Variants in PDE1A observed in about 807,000 individuals in gnomAD.
PDE1A encodes the protein dual specificity calcium/calmodulin-dependent 3',5'-cyclic nucleotide phosphodiesterase 1A.
A neutral mutation model predicts 61.7 loss-of-function variants in PDE1A; 35 were observed. That is an observed-to-expected ratio of 0.57 (90% CI 0.43 to 0.75). The LOEUF (loss-of-function observed/expected upper bound fraction) is 0.75. Among genes scored for constraint, PDE1A ranks in the 30% least tolerant of loss-of-function variants. PDE1A has a pLI of 0.00. For synonymous variants in PDE1A, 232 were observed against 213.2 expected (o/e 1.09, Z -0.77); for missense variants, 597 against 630.6 (o/e 0.95, Z 0.57).
At chr2:182,452,045 C>A (rs1199837086) in intron 2 of PDE1A, among the ~76,000 whole-genome samples, 1 of 151,782 alleles carries the variant, frequency 6.6e-6, no homozygotes, top group Non-Finnish European at 1.5e-5. Context: ...ATCAAATTAT[C>A]CAGGAAAATC....
At chr2:182,337,147 G>A (rs1441480185) in intron 1 of PDE1A, among the ~76,000 whole-genome samples, 1 of 152,094 alleles carries the variant, frequency 6.6e-6, no homozygotes, top group Non-Finnish European at 1.5e-5. Context: ...GGAGTTTAAT[G>A]TATACACTTT....
chr2:182,454,552 TACTGGTACCAAA>T, intron 2 of PDE1A, among the ~76,000 whole-genome samples: 1 of 151,924 alleles, frequency 6.6e-6, no homozygotes, highest in Admixed American at 6.6e-5. Flanking sequence ...AACAGCATGG[TACTGGTACCAAA>T]ACAGAGATAT....
the PDE1A span, among the ~76,000 whole-genome samples, chr2:182,655,159 T>C: frequency 6.6e-6 from 1 of 152,208 alleles, no homozygotes; most frequent in Non-Finnish European, 1.5e-5. Context: ...CTTTAGTGAA[T>C]GAAGTGTCAT....
intron 1 of PDE1A, among the ~76,000 whole-genome samples, chr2:182,317,925 T>C (rs1696451957): frequency 1.3e-5 from 2 of 152,192 alleles, no homozygotes; most frequent in African/African-American, 4.8e-5. Flanking sequence ...ATTGCATTTA[T>C]ATCTCTTAAT....
chr2:182,482,096 T>G (rs1452308279), intron 2 of PDE1A, among the ~76,000 whole-genome samples: 1 of 151,962 alleles, frequency 6.6e-6, no homozygotes, highest in African/African-American at 2.4e-5. Context: ...ATTTTCTTAT[T>G]AACAGTCTGT....
chr2:182,565,722 G>A, the PDE1A span, among the ~76,000 whole-genome samples: 2 of 152,096 alleles, frequency 1.3e-5, no homozygotes, highest in Non-Finnish European at 2.9e-5. Flanking sequence ...CTATTTATTA[G>A]AGTCAAGATT....
At chr2:182,476,476 G>A (rs958144569) in intron 2 of PDE1A, among the ~76,000 whole-genome samples, 9 of 151,856 alleles carry the variant, frequency 5.9e-5, no homozygotes, top group Admixed American at 1.3e-4. Flanking sequence ...GCAACAAAGC[G>A]AGACTCTGTC....
At chr2:182,341,989 G>T (rs773453884) in intron 1 of PDE1A, among the ~76,000 whole-genome samples, 1 of 151,986 alleles carries the variant, frequency 6.6e-6, no homozygotes, top group Non-Finnish European at 1.5e-5. Flanking sequence ...GGCTGATCTG[G>T]AACTCCTAGC....
At chr2:182,434,503 G>A (rs1574649280) in intron 2 of PDE1A, among the ~76,000 whole-genome samples, 1 of 152,030 alleles carries the variant, frequency 6.6e-6, no homozygotes, top group East Asian at 1.9e-4. Context: ...TCTTCAGATA[G>A]GCAGAAGGCA....
chr2:182,372,918 A>G (rs1464289222), intron 1 of PDE1A, among the ~76,000 whole-genome samples: 2 of 152,224 alleles, frequency 1.3e-5, no homozygotes, highest in Non-Finnish European at 2.9e-5. Context: ...CAGAAATGTC[A>G]TAAGGACAGT....
intron 1 of PDE1A, among the ~76,000 whole-genome samples, chr2:182,417,826 G>T (rs1327257129): frequency 6.6e-6 from 1 of 152,136 alleles, no homozygotes; most frequent in East Asian, 1.9e-4. Context: ...AAAATCTCTG[G>T]TTACAAATGC....
intron 2 of PDE1A, among the ~76,000 whole-genome samples, chr2:182,445,983 T>G (rs1247668244): frequency 6.6e-6 from 1 of 152,114 alleles, no homozygotes; most frequent in Non-Finnish European, 1.5e-5. Flanking sequence ...TGCTGAGCCA[T>G]GAATATTCAG....
the PDE1A span, among the ~76,000 whole-genome samples, chr2:182,714,450 C>G: frequency 6.6e-6 from 1 of 152,076 alleles, no homozygotes; most frequent in Non-Finnish European, 1.5e-5. Flanking sequence ...AAGTCAGAAC[C>G]CTTTATCTTT....
chr2:182,463,137 A>C (rs1686419065), intron 2 of PDE1A, among the ~76,000 whole-genome samples: 1 of 152,068 alleles, frequency 6.6e-6, no homozygotes, highest in Non-Finnish European at 1.5e-5. Flanking sequence ...GCTACTCGGG[A>C]GGCTGAGGCG....
chr2:182,373,828 T>C (rs377555898), intron 1 of PDE1A, among the ~76,000 whole-genome samples: 1 of 152,088 alleles, frequency 6.6e-6, no homozygotes, highest in Admixed American at 6.5e-5. Context: ...GGGAGATATA[T>C]GACAAGAAAA....
At chr2:182,402,090 C>T (rs1291922994) in intron 1 of PDE1A, among the ~76,000 whole-genome samples, 1 of 152,108 alleles carries the variant, frequency 6.6e-6, no homozygotes, top group Non-Finnish European at 1.5e-5. Context: ...TGAAAATAGC[C>T]ATACTGCCCA....
intron 2 of PDE1A, among the ~76,000 whole-genome samples, chr2:182,450,335 G>T (rs924137639): frequency 3.3e-5 from 5 of 152,078 alleles, no homozygotes; most frequent in South Asian, 2.1e-4. Flanking sequence ...GAGACATAAA[G>T]TGCCACATTG....
chr2:182,454,522 A>T (rs1008225478), intron 2 of PDE1A, among the ~76,000 whole-genome samples: 9 of 151,950 alleles, frequency 5.9e-5, no homozygotes, highest in East Asian at 1.9e-4. Flanking sequence ...CAAACTATAC[A>T]ACAAGGCTAC....
chr2:182,269,434 G>C (rs1323997375), intron 1 of PDE1A, among the ~76,000 whole-genome samples: 4 of 151,858 alleles, frequency 2.6e-5, no homozygotes, highest in African/African-American at 9.7e-5. Flanking sequence ...GTTGTGGTGA[G>C]CCAAGATCGC....
Sources: allele counts gnomAD v4.1 joint callset (sites outside exome capture counted in the v4.1 genomes callset), GRCh38; gene constraint gnomAD v4.1.1; transcripts MANE v1.5; gene names NCBI Gene and HGNC (gene_info 2026-07-23, HGNC 2026-07-21).